Variants in MPRIP observed in about 807,000 individuals in gnomAD.
The protein encoded by MPRIP is myosin phosphatase Rho interacting protein.
Under a neutral mutation model 234.9 loss-of-function variants are expected in MPRIP, and 59 were observed. That is an observed-to-expected ratio of 0.25 (90% CI 0.20 to 0.31). The LOEUF (loss-of-function observed/expected upper bound fraction) is 0.31. MPRIP is among the 10% of genes least tolerant of loss of function. The pLI is 1.00. For synonymous variants in MPRIP, 1,144 were observed against 1,263.9 expected (o/e 0.91, Z 2.01); for missense variants, 2,436 against 3,071.0 (o/e 0.79, Z 4.89).
chr17:17,108,854 T>G (rs556977553), intron 3 of MPRIP, among the ~76,000 whole-genome samples: 1 of 152,340 alleles, frequency 6.6e-6, no homozygotes, highest in East Asian at 1.9e-4. Flanking sequence ...GGCAGCGCCC[T>G]CTCCCTCTCA....
intron 3 of MPRIP, among the ~76,000 whole-genome samples, chr17:17,104,362 G>A (rs1467827151): frequency 6.6e-6 from 1 of 152,172 alleles, no homozygotes; most frequent in Non-Finnish European, 1.5e-5. Flanking sequence ...TAGAACCTTT[G>A]GCCATGAGCG....
chr17:17,053,402 G>T (rs533918261), intron 1 of MPRIP, among the ~76,000 whole-genome samples: 15 of 152,228 alleles, frequency 9.9e-5, no homozygotes, highest in Non-Finnish European at 1.6e-4. Context: ...CTCAGCAACC[G>T]CAGGATCTGT....
At chr17:17,121,935 C>T (rs2090396986) in intron 3 of MPRIP, among the ~76,000 whole-genome samples, 1 of 152,112 alleles carries the variant, frequency 6.6e-6, no homozygotes, top group Non-Finnish European at 1.5e-5. Context: ...TTCCTGTGTT[C>T]GTTTGCTAAA....
At chr17:17,180,257 TC>T in intron 23 of MPRIP, 169 bp downstream of exon 23, 1 of 626,552 alleles carries the variant, frequency 1.6e-6, no homozygotes, top group Non-Finnish European at 2.8e-6. Context: ...GGCTTTGAGC[TC>T]TGTGTCTGTC....
chr17:17,056,160 C>T (rs1747261455), intron 1 of MPRIP, among the ~76,000 whole-genome samples: 1 of 152,190 alleles, frequency 6.6e-6, no homozygotes, highest in South Asian at 2.1e-4. Flanking sequence ...AAGGGTGGGG[C>T]TGACCTCATT....
rs2046020643 is a variant in MPRIP, at chr17:17,167,238, G to T, written c.5647G>T (p.Ala1883Ser). 1 of 1,303,868 alleles carries T rather than the reference G, an allele frequency of 7.7e-7. No homozygotes were observed. Among genetic ancestry groups the T allele is most frequent in the South Asian group, 1.2e-5 (1 of 81,028 alleles). 80.8% of individuals were successfully genotyped at this position (1,303,868 alleles called of 1,614,324 possible). ...REPSCSEQAQ[A>S]ARALREEYEE... ...GCCCTCCTGCTCAGAGCAGGCACAGGCAGCCCGGGCCCTGAGGGAGGAGTA... is the reference window on the plus strand; with the variant it reads ...GCCCTCCTGCTCAGAGCAGGCACAGTCAGCCCGGGCCCTGAGGGAGGAGTA... The change falls in exon 16 of 24, where the codon GCA becomes TCA. Residue 1883 changes from alanine to serine, a missense_variant. This residue lies in a region of MPRIP where 1,998 missense variants were observed against 2,520.3 expected (regional missense o/e 0.79). Transcript: ENST00000651222. This position sits in a 1 kb window ranked among gnomAD's most constrained non-coding sequence, Gnocchi z 5.9.
intron 12 of MPRIP, among the ~76,000 whole-genome samples, chr17:17,151,021 A>ATTATTG (rs1378794228): frequency 4.0e-5 from 6 of 149,726 alleles, no homozygotes; most frequent in Non-Finnish European, 8.9e-5. Flanking sequence ...TATTATTATT[A>ATTATTG]TTATTATTAT....
chr17:17,105,583 C>G (rs562335418), intron 3 of MPRIP, among the ~76,000 whole-genome samples: 5 of 152,344 alleles, frequency 3.3e-5, no homozygotes, highest in South Asian at 2.1e-4. Flanking sequence ...CCCTTGGCCA[C>G]TGAGTCAGGC....
chr17:17,134,025 C>G (rs1332106034), intron 5 of MPRIP, among the ~76,000 whole-genome samples: 1 of 152,200 alleles, frequency 6.6e-6, no homozygotes, highest in Non-Finnish European at 1.5e-5. Flanking sequence ...TCCCAGCCCC[C>G]CAGGTTCTTC....
intron 3 of MPRIP, among the ~76,000 whole-genome samples, chr17:17,098,196 A>G (rs1264685045): frequency 6.6e-6 from 1 of 152,152 alleles, no homozygotes; most frequent in Non-Finnish European, 1.5e-5. Context: ...GAAGAAAGGT[A>G]AAGCAGCTCC....
intron 12 of MPRIP, 103 bp from the exon 13 acceptor site, chr17:17,154,203 C>T (rs763456774): frequency 6.3e-6 from 6 of 944,916 alleles, no homozygotes; most frequent in Non-Finnish European, 9.9e-6. Context: ...CACAGCCTTT[C>T]TCCCTGTGGG....
Position 17,078,217 on chromosome 17 carries a change from A to G in MPRIP, c.267+141A>G. ...TTGGGAGTGTGGAATGTTTTGAAGA[A>G]CTTGTGGCACCTGCTGGAGACAGCT... On this transcript the variant is annotated intron_variant, in intron 3 of 23. Transcript: ENST00000651222. The surrounding 1 kb of genome is among the most constrained non-coding windows in gnomAD (Gnocchi z 4.3). 2.3e-6 allele frequency: 2 copies of G among 859,590 alleles called. No individual in the cohort carries two copies. The highest frequency in any genetic ancestry group is 2.2e-4 in the Middle Eastern group (1 of 4,448). 53.2% of individuals were successfully genotyped at this position (859,590 alleles called of 1,614,324 possible). A position where few individuals can be genotyped will look rare whatever the true frequency, so the allele number is the denominator to read the frequency against.
At chr17:17,075,039 C>A (rs2089295558) in intron 1 of MPRIP, among the ~76,000 whole-genome samples, 1 of 152,142 alleles carries the variant, frequency 6.6e-6, no homozygotes, top group Admixed American at 6.5e-5. Flanking sequence ...GTAACTCTGC[C>A]TTTAACTTTC....
chr17:17,094,328 T>C (rs1483954136), intron 3 of MPRIP, among the ~76,000 whole-genome samples: 2 of 152,220 alleles, frequency 1.3e-5, no homozygotes, highest in African/African-American at 2.4e-5. Flanking sequence ...GTGTTCATTT[T>C]TTAACTTTAT....
intron 1 of MPRIP, among the ~76,000 whole-genome samples, chr17:17,067,694 T>C (rs914925926): frequency 1.3e-5 from 2 of 152,088 alleles, no homozygotes; most frequent in African/African-American, 4.8e-5. Flanking sequence ...TAAAAAATTT[T>C]GGGGTTTTGT....
chr17:17,089,128 G>T (rs181471915), intron 3 of MPRIP, among the ~76,000 whole-genome samples: 1 of 152,358 alleles, frequency 6.6e-6, no homozygotes, highest in Admixed American at 6.5e-5. Context: ...ACACAACATG[G>T]CAGGTGTGTT....
At chr17:17,141,759 A>G (rs1022431344) in intron 7 of MPRIP, 1 of 152,444 alleles carries the variant, frequency 6.6e-6, no homozygotes, top group African/African-American at 2.4e-5. Context: ...CCTCCCCGCC[A>G]GGTAACTTAG....
At chr17:17,101,265 C>A (rs144179202) in intron 3 of MPRIP, among the ~76,000 whole-genome samples, 8 of 152,130 alleles carry the variant, frequency 5.3e-5, no homozygotes, top group African/African-American at 1.9e-4. Flanking sequence ...ATGTTATATC[C>A]GGATATTAAG....
At position 17,165,445 on chromosome 17, in the gene MPRIP, G is replaced by A. The variant is rs1339523941; in HGVS notation, c.3854G>A (p.Arg1285Lys). The change falls in exon 16 of 24, where the codon AGG becomes AAG. Residue 1285 changes from arginine to lysine, a missense_variant. Arg to Lys is a conservative substitution (Grantham distance 26, BLOSUM62 2). This residue lies in a region of MPRIP where 1,998 missense variants were observed against 2,520.3 expected (regional missense o/e 0.79). Transcript: ENST00000651222. ...GEEYGDGSPS[R>K]EDSMVPPKSV... ...GAGTACGGTGATGGCAGCCCCAGTAGGGAAGACAGCATGGTGCCCCCAAAG... is the reference window on the plus strand; with the variant it reads ...GAGTACGGTGATGGCAGCCCCAGTAAGGAAGACAGCATGGTGCCCCCAAAG... The A allele has an allele frequency of 3.8e-6, 5 of 1,304,218 alleles. No individual in the cohort carries two copies. Among genetic ancestry groups the A allele is most frequent in the Non-Finnish European group, 5.1e-6 (5 of 988,956 alleles). The allele number at this position is 1,304,218 out of a possible 1,614,324, so 80.8% of individuals were successfully genotyped here.
Sources: allele counts gnomAD v4.1 joint callset (sites outside exome capture counted in the v4.1 genomes callset), GRCh38; gene constraint gnomAD v4.1.1; regional missense constraint gnomAD v4.1.1; non-coding constraint Gnocchi (gnomAD v3.1); transcripts MANE v1.5; gene names NCBI Gene and HGNC (gene_info 2026-07-23, HGNC 2026-07-21).